The following FNDC1 variants were observed in gnomAD, a reference collection of about 807,000 sequenced individuals.
FNDC1 encodes the protein fibronectin type III domain containing 1.
In FNDC1, 96 loss-of-function variants were observed where a neutral mutation model predicts 168.0. The observed-to-expected ratio is 0.57, with a 90% CI of 0.48 to 0.68. The LOEUF is 0.68. Ranked by LOEUF, FNDC1 falls within the 30% of genes least tolerant of loss-of-function variation. The pLI, the probability that FNDC1 is intolerant of heterozygous loss-of-function variation, is 0.00. For missense variants in FNDC1, 2,587 were observed against 2,482.1 expected (o/e 1.04, Z -0.90); for synonymous variants, 1,099 against 1,025.9 (o/e 1.07, Z -1.36).
Position 159,216,452 on chromosome 6 carries a change from G to A in FNDC1, c.667+1301G>A, listed in dbSNP as rs1782711213. On this transcript the variant is annotated intron_variant, in intron 5 of 22. Coordinates refer to ENST00000297267, the MANE Select transcript of FNDC1 (RefSeq NM_032532.3). ...CTGGAGGGAGTTCTGATCTTTGCAGGCCGTATTCATCCATAAGCCTGGATA... is the reference window on the plus strand; with the variant it reads ...CTGGAGGGAGTTCTGATCTTTGCAGACCGTATTCATCCATAAGCCTGGATA... Among the ~76,000 whole-genome samples, 6 of 152,312 alleles carry A rather than the reference G, an allele frequency of 3.9e-5. No homozygotes were observed. In the South Asian group the frequency reaches 1.2e-3, roughly 32 times the overall value.
rs369187394 is a variant in FNDC1 at position 159,232,533 on chromosome 6, G to C, written c.2021G>C (p.Arg674Pro). The C allele has an allele frequency of 9.3e-6, 15 of 1,612,022 alleles. No homozygotes were observed. The African/African-American group carries it at 1.7e-4, about 19-fold the overall frequency. Residue 674 changes from arginine to proline, a missense_variant, in exon 11 of 23, where the codon CGC becomes CCC. Physicochemically the swap from Arg to Pro is moderately radical, Grantham distance 103 (BLOSUM62 -2). Transcript: ENST00000297267. The surrounding 1 kb of genome is among the most constrained non-coding windows in gnomAD (Gnocchi z 4.9). ...CCCCGGCCAGCCCTGTCCCCCAGCC[G>C]CCAGTCCCCGTCCAGCGTTCTCCGC... The part of the protein sequence containing the change: ...AQPRPALSPS[R>P]QSPSSVLRDR...
In FNDC1 at chr6:159,261,276, A is replaced by G. The variant is rs908045519; in HGVS notation, c.5254+7A>G. 2.5e-6 allele frequency: 4 copies of G among 1,585,556 alleles called. No individual in the cohort carries two copies. On this transcript the variant is annotated splice_region_variant and intron_variant, in intron 19 of 22. Coordinates refer to ENST00000297267, the MANE Select transcript of FNDC1 (RefSeq NM_032532.3). The stretch of plus-strand genomic sequence containing the variant: ...TCATTTGTCACCGAATCAGGTATGA[A>G]TGACTTCACATTCTGATTTGTTTTA...
At chr6:159,171,018 G>C (rs1189365058) in intron 1 of FNDC1, among the ~76,000 whole-genome samples, 1 of 152,176 alleles carries the variant, frequency 6.6e-6, no homozygotes, top group Admixed American at 6.5e-5. Flanking sequence ...AACCAGTGCT[G>C]CCCTGGCTTT....
chr6:159,229,791 C>T (rs754709121), intron 9 of FNDC1, 24 bp from the exon 10 acceptor site: 1 of 1,596,180 alleles, frequency 6.3e-7, no homozygotes, highest in Non-Finnish European at 8.6e-7. Flanking sequence ...TTCCTCCTTC[C>T]AACCATCTGC....
chr6:159,231,506 A>G (rs1271208161), intron 10 of FNDC1, among the ~76,000 whole-genome samples: 1 of 152,222 alleles, frequency 6.6e-6, no homozygotes, highest in African/African-American at 2.4e-5. Flanking sequence ...GCTATAATGC[A>G]TTTGTAATAC....
chr6:159,259,375 T>C (rs1002056960), intron 18 of FNDC1, among the ~76,000 whole-genome samples: 2 of 152,208 alleles, frequency 1.3e-5, no homozygotes, highest in African/African-American at 4.8e-5. Context: ...AGAATCATTG[T>C]GTCAACAGGG....
At chr6:159,208,414 A>G (rs1290436839) in intron 4 of FNDC1, among the ~76,000 whole-genome samples, 1 of 152,230 alleles carries the variant, frequency 6.6e-6, no homozygotes, top group East Asian at 1.9e-4. Context: ...CTTATGATCT[A>G]TACAAATTGA....
In FNDC1 at chr6:159,266,110, G is replaced by T. The variant is rs374035084; in HGVS notation, c.5311G>T (p.Ala1771Ser). The stretch of plus-strand genomic sequence containing the variant: ...CGGTGAGCCTATCTGGATCCCATTC[G>T]CTTTCAAACATGATCCCAGCTACAC... ...PGGEPIWIPF[A>S]FKHDPSYTDC... The change falls in exon 21 of 23, where the codon GCT (alanine) becomes TCT (serine). Residue 1771 changes from alanine (A) to serine (S), a missense_variant. Transcript: ENST00000297267. The T allele has an allele frequency of 1.9e-6, 3 of 1,613,886 alleles. No individual in the cohort carries two copies. The highest frequency in any genetic ancestry group is 2.5e-6 in the Non-Finnish European group (3 of 1,179,800).
At chr6:159,266,327 CGG>C in intron 21 of FNDC1, 82 bp downstream of exon 21, 1 of 1,430,642 alleles carries the variant, frequency 7.0e-7, no homozygotes, top group Non-Finnish European at 9.8e-7. Context: ...ACAGGTGCAT[CGG>C]AATGTTTATG....
intron 15 of FNDC1, among the ~76,000 whole-genome samples, chr6:159,248,350 G>T (rs1777180736): frequency 6.6e-6 from 1 of 151,886 alleles, no homozygotes; most frequent in African/African-American, 2.4e-5. Flanking sequence ...TCTGTCTCCA[G>T]GCTGGAGTGC....
intron 1 of FNDC1, among the ~76,000 whole-genome samples, chr6:159,190,529 C>T (rs964172234): frequency 2.0e-5 from 3 of 152,202 alleles, no homozygotes; most frequent in South Asian, 2.1e-4. Flanking sequence ...TGGGAAGCTG[C>T]GTGCTGAGTA....
intron 5 of FNDC1, 138 bp from the exon 6 acceptor site, chr6:159,221,460 A>T: frequency 1.5e-6 from 1 of 666,238 alleles, no homozygotes; most frequent in Admixed American, 2.4e-5. Flanking sequence ...GTCCTCAAGA[A>T]GTGGGAATAC....
In FNDC1 at chr6:159,232,606, G is replaced by C. The variant is rs751384493; in HGVS notation, c.2094G>C (p.Arg698=). The C allele has an allele frequency of 1.2e-6, 2 of 1,607,902 alleles. No individual in the cohort carries two copies. Among genetic ancestry groups the C allele is most frequent in the Non-Finnish European group, 1.7e-6 (2 of 1,176,150 alleles). ...HPGAKPASPA[R]RTPHSGAAEE... is the part of the protein sequence containing the mutation. ...GCGCAAAGCCAGCCTCGCCGGCCCG[G>C]AGGACCCCCCATTCAGGGGCCGCAG... The change falls in exon 11 of 23, where the codon CGG becomes CGC. Residue 698 remains arginine, a synonymous_variant. Transcript: ENST00000297267. The surrounding 1 kb of genome is among the most constrained non-coding windows in gnomAD (Gnocchi z 4.9).
At position 159,234,498 on chromosome 6, in the gene FNDC1, C is replaced by G. The variant is rs79663819; in HGVS notation, c.3967+19C>G. 6.2e-7 allele frequency: 1 copy of G among 1,611,122 alleles called. No individual in the cohort carries two copies. Among genetic ancestry groups the G allele is most frequent in the Non-Finnish European group, 8.5e-7 (1 of 1,178,688 alleles). ...AGACAAGGTAGTTTATTTTTTCAAA[C>G]AGTCTTTCTTTAAGGTGTTCAGTGG... On this transcript the variant is annotated intron_variant, in intron 11 of 22. Coordinates refer to ENST00000297267, the MANE Select transcript of FNDC1 (RefSeq NM_032532.3).
chr6:159,195,581 T>C (rs1460792503), intron 1 of FNDC1, among the ~76,000 whole-genome samples: 1 of 152,214 alleles, frequency 6.6e-6, no homozygotes, highest in Non-Finnish European at 1.5e-5. Flanking sequence ...ATGTTTGTAG[T>C]TGGCTCCATC....
intron 4 of FNDC1, among the ~76,000 whole-genome samples, chr6:159,206,624 C>T (rs1264357162): frequency 6.6e-6 from 1 of 152,180 alleles, no homozygotes; most frequent in East Asian, 1.9e-4. Flanking sequence ...ATTGGGGTCA[C>T]CTCTGTCTAG....
intron 11 of FNDC1, among the ~76,000 whole-genome samples, chr6:159,235,454 G>A (rs190498248): frequency 3.0e-4 from 45 of 152,232 alleles, no homozygotes; most frequent in African/African-American, 1.0e-3. Flanking sequence ...GAGAGTAGAT[G>A]TAAAACTCAA....
chr6:159,237,499 T>G (rs1252370045), intron 12 of FNDC1, among the ~76,000 whole-genome samples: 2 of 152,218 alleles, frequency 1.3e-5, no homozygotes, highest in Non-Finnish European at 2.9e-5. Context: ...TTTCTTCAAG[T>G]TTTACAGTTC....
At chr6:159,189,010 C>T (rs1782070619) in intron 1 of FNDC1, among the ~76,000 whole-genome samples, 2 of 152,112 alleles carry the variant, frequency 1.3e-5, no homozygotes, top group Admixed American at 6.5e-5. Context: ...CCTCAGCCTC[C>T]CCAAGTGCTG....
Sources: gnomAD v4.1 joint callset for allele counts (sites outside exome capture counted in the v4.1 genomes callset) on GRCh38, gnomAD v4.1.1 for gene constraint, Gnocchi (gnomAD v3.1) non-coding constraint, MANE v1.5 for transcripts, NCBI Gene and HGNC (gene_info 2026-07-23, HGNC 2026-07-21) for gene names.